The following LDB3 variants were observed in gnomAD, a reference collection of about 807,000 sequenced individuals.
LDB3 encodes the protein LIM domain binding 3, also known as LIM domain-binding protein 3.
Under a neutral mutation model 69.0 loss-of-function variants are expected in LDB3, and 49 were observed. The ratio of observed to expected loss-of-function variants is 0.71; its 90% CI spans 0.56 to 0.90. LDB3 has a LOEUF of 0.90. LDB3 is among the 40% of genes least tolerant of loss of function. The pLI is 0.00. For missense variants in LDB3, 928 were observed against 974.1 expected (o/e 0.95, Z 0.63); for synonymous variants, 387 against 396.2 (o/e 0.98, Z 0.28).
intron 9 of LDB3, among the ~76,000 whole-genome samples, chr10:86,711,372 C>T (rs970837046): frequency 3.3e-5 from 5 of 152,006 alleles, no homozygotes; most frequent in East Asian, 2.0e-4. Context: ...GCCGCGGGCC[C>T]CCGCGCCGTT....
rs562263201 is a variant in LDB3, at chr10:86,687,069, C to T, written c.690-4827C>T. ...CCGTACTCCCGCACCCCTCCCCCAG[C>T]GCCGACTACCAGGAACGCTTCAACC... is the stretch of plus-strand genomic sequence containing the variant. On this transcript the variant is annotated intron_variant, in intron 5 of 13. Transcript: ENST00000361373. 1.7e-5 allele frequency: 27 copies of T among 1,613,896 alleles called. No homozygotes were observed. In the African/African-American group the frequency reaches 1.9e-4, roughly 11 times the overall value.
chr10:86,700,959 C>A (rs1846237090), intron 7 of LDB3, among the ~76,000 whole-genome samples: 1 of 152,254 alleles, frequency 6.6e-6, no homozygotes, highest in Admixed American at 6.5e-5. Flanking sequence ...GCTGGGCTAG[C>A]CAGAGCTCTG....
rs56209295 is a variant in LDB3 at position 86,735,052 on chromosome 10, TACACACACACACACACACACAC to T, written c.*2103_*2124del. 2.7e-5 allele frequency: 3 copies of T among 112,388 alleles called. No individual in the cohort carries two copies. The highest frequency in any genetic ancestry group is 3.1e-4 in the South Asian group (1 of 3,190). The allele number at this position is 112,388 out of a possible 1,614,324, so 7.0% of individuals were successfully genotyped here. The stretch of plus-strand genomic sequence containing the variant: ...TTCCAAAATCTCTTTTTAAAGGGTT[TACACACACACACACACACACAC>T]ACACACACACACACACACACACACA... On this transcript the variant is annotated 3_prime_UTR_variant, in exon 14 of 14. Transcript: ENST00000361373.
At chr10:86,716,138 T>C (rs1846859043) in intron 9 of LDB3, among the ~76,000 whole-genome samples, 189 bp from the exon 10 acceptor site, 1 of 152,196 alleles carries the variant, frequency 6.6e-6, no homozygotes, top group Admixed American at 6.5e-5. Context: ...TCCCTAGCTC[T>C]GTGAACACCC....
chr10:86,689,306 T>C (rs1013423297), intron 5 of LDB3, among the ~76,000 whole-genome samples: 2 of 152,114 alleles, frequency 1.3e-5, no homozygotes, highest in African/African-American at 4.8e-5. Flanking sequence ...TGTCCAGTCA[T>C]CCGTCTGTCT....
At chr10:86,675,219 C>T (rs1844728856) in intron 2 of LDB3, among the ~76,000 whole-genome samples, 1 of 152,192 alleles carries the variant, frequency 6.6e-6, no homozygotes, top group Non-Finnish European at 1.5e-5. Flanking sequence ...GAGGGAGAGC[C>T]AGGCAGGTCT....
chr10:86,698,981 AG>A (rs1846133311), intron 7 of LDB3, among the ~76,000 whole-genome samples: 1 of 152,078 alleles, frequency 6.6e-6, no homozygotes, highest in Admixed American at 6.5e-5. Context: ...GCCATTAGCC[AG>A]GTCCCTTCTC....
chr10:86,699,476 A>G lies in LDB3; in HGVS notation c.896+6905A>G. On this transcript the variant is annotated intron_variant, in intron 7 of 13. Transcript: ENST00000361373. This position sits in a 1 kb window ranked among gnomAD's most constrained non-coding sequence, Gnocchi z 4.9. Reference sequence around the variant, plus strand: ...GCCCCACGGTGATGCTTGACAATGTATAACTCTGCTGGGGGCACCTCTGAT... The same window carrying G: ...GCCCCACGGTGATGCTTGACAATGTGTAACTCTGCTGGGGGCACCTCTGAT... 1 of 1,585,002 alleles carries G rather than the reference A, an allele frequency of 6.3e-7. No individual in the cohort carries two copies. Among genetic ancestry groups the G allele is most frequent in the South Asian group, 1.1e-5 (1 of 88,832 alleles).
chr10:86,709,372 G>T (rs902948622), intron 8 of LDB3, among the ~76,000 whole-genome samples: 2 of 152,188 alleles, frequency 1.3e-5, no homozygotes. Flanking sequence ...GAAGAGGTGT[G>T]TGTTGGGGGA....
In LDB3 at chr10:86,719,392, C is replaced by CAA. The variant is rs71487276; in HGVS notation, c.1978+559_1978+560dup. On this transcript the variant is annotated intron_variant, in intron 12 of 13. Transcript: ENST00000361373. ...GGCAACAGAGTAAGATCCTGTATCT[C>CAA]AAAAAAAAAAAAAAATGTAGATCAC... Among the ~76,000 whole-genome samples the CAA allele has an allele frequency of 3.9e-3, 526 of 134,244 alleles. 1 individual carries two copies. The highest frequency in any genetic ancestry group is 0.014 in the African/African-American group (508 of 37,190). The allele number at this position is 134,244 out of a possible 152,430, so 88.1% of individuals were successfully genotyped here.
chr10:86,681,860 G>T, intron 5 of LDB3, 57 bp downstream of exon 5: 2 of 1,506,846 alleles, frequency 1.3e-6, no homozygotes, highest in Non-Finnish European at 8.9e-7. Context: ...GGTCCTCGGT[G>T]CTCGGCAGAG....
intron 13 of LDB3, among the ~76,000 whole-genome samples, chr10:86,728,586 G>GTTTTTTTTTTTTTGT (rs1847345889): frequency 7.6e-6 from 1 of 131,456 alleles, no homozygotes; most frequent in African/African-American, 2.8e-5. Flanking sequence ...TGGTTCTTTT[G>GTTTTTTTTTTTTTGT]TTTTTTTTTT....
Position 86,699,239 on chromosome 10 carries a change from TTCTCTCTCTCTCTCTC to T in LDB3, c.896+6682_896+6697del. The T allele has an allele frequency of 5.8e-6, 9 of 1,562,056 alleles. No homozygotes were observed. The highest frequency in any genetic ancestry group is 1.7e-4 in the Middle Eastern group (1 of 5,952). Reference sequence around the variant, plus strand: ...TCTCTCTTTCTGTCTCTGTCTCTGTTTCTCTCTCTCTCTCTCTCTCTCTCTCTCTGTGCCACAGGGA... The same window carrying T: ...TCTCTCTTTCTGTCTCTGTCTCTGTTTCTCTCTCTCTCTGTGCCACAGGGA... On this transcript the variant is annotated intron_variant, in intron 7 of 13. Coordinates refer to ENST00000361373, the MANE Select transcript of LDB3 (RefSeq NM_007078.3). This position sits in a 1 kb window ranked among gnomAD's most constrained non-coding sequence, Gnocchi z 4.9.
chr10:86,686,247 C>T (rs1256401839), intron 5 of LDB3, among the ~76,000 whole-genome samples: 1 of 152,194 alleles, frequency 6.6e-6, no homozygotes, highest in Non-Finnish European at 1.5e-5. Context: ...GAGCCCTGGG[C>T]CACCAAGGGG....
rs556646523 is a variant in LDB3 at position 86,697,050 on chromosome 10, A to G, written c.896+4479A>G. Among the ~76,000 whole-genome samples, 46 of 152,252 alleles carry G rather than the reference A, an allele frequency of 3.0e-4. No individual in the cohort carries two copies. In the South Asian group the frequency reaches 9.2e-3, roughly 30 times the overall value. On this transcript the variant is annotated intron_variant, in intron 7 of 13. Coordinates refer to ENST00000361373, the MANE Select transcript of LDB3 (RefSeq NM_007078.3). ...ATTCAAGGGGTAGAGAGAGACAGAG[A>G]CTGCCAGGTAAAGCAGGTGCAGAAC... is the stretch of plus-strand genomic sequence containing the variant.
chr10:86,711,462 C>T (rs915439422), intron 9 of LDB3, among the ~76,000 whole-genome samples: 1 of 151,942 alleles, frequency 6.6e-6, no homozygotes. Flanking sequence ...AGTCGGCCTG[C>T]CTCCACCTCC....
intron 2 of LDB3, among the ~76,000 whole-genome samples, chr10:86,676,652 G>A (rs1250866309): frequency 1.3e-5 from 2 of 152,180 alleles, no homozygotes; most frequent in Non-Finnish European, 2.9e-5. Flanking sequence ...AATTGGAGAG[G>A]GCTGTCCTGG....
rs1847608775 is a variant in LDB3, at chr10:86,735,736, G to C, written c.*2760G>C. On this transcript the variant is annotated 3_prime_UTR_variant, in exon 14 of 14. Transcript: ENST00000361373. The stretch of plus-strand genomic sequence containing the variant: ...GGAGGTTGCAGTGAGCCGAGATTAT[G>C]CCATTGCACTCCAGCCTGGGCAACA... 1 of 140,876 alleles carries C rather than the reference G, an allele frequency of 7.1e-6. No homozygotes were observed. The highest frequency in any genetic ancestry group is 2.7e-5 in the African/African-American group (1 of 36,822). 8.7% of individuals were successfully genotyped at this position (140,876 alleles called of 1,614,324 possible).
Position 86,699,219 on chromosome 10 carries a change from C to T in LDB3, c.896+6648C>T. The T allele has an allele frequency of 1.3e-6, 2 of 1,581,248 alleles. No homozygotes were observed. The highest frequency in any genetic ancestry group is 1.7e-6 in the Non-Finnish European group (2 of 1,163,058). On this transcript the variant is annotated intron_variant, in intron 7 of 13. Coordinates refer to ENST00000361373, the MANE Select transcript of LDB3 (RefSeq NM_007078.3). The surrounding 1 kb of genome is among the most constrained non-coding windows in gnomAD (Gnocchi z 4.9). Reference sequence around the variant, plus strand: ...CTTTCATTCTCCCTCTCTTCTCTCTCTTTCTGTCTCTGTCTCTGTTTCTCT... The same window carrying T: ...CTTTCATTCTCCCTCTCTTCTCTCTTTTTCTGTCTCTGTCTCTGTTTCTCT...
Sources: gnomAD v4.1 joint callset for allele counts (sites outside exome capture counted in the v4.1 genomes callset) on GRCh38, gnomAD v4.1.1 for gene constraint, Gnocchi (gnomAD v3.1) non-coding constraint, MANE v1.5 for transcripts, NCBI Gene and HGNC (gene_info 2026-07-23, HGNC 2026-07-21) for gene names.